Variants in ERN1 observed in about 807,000 individuals in gnomAD.
ERN1 encodes serine/threonine-protein kinase/endoribonuclease IRE1.
Under a neutral mutation model 113.1 loss-of-function variants are expected in ERN1, and 39 were observed. The observed-to-expected ratio is 0.34, with a 90% CI of 0.27 to 0.45. The LOEUF (loss-of-function observed/expected upper bound fraction) is 0.45, where lower values mean the gene tolerates loss of function less well. Ranked by LOEUF, ERN1 falls within the 20% of genes least tolerant of loss-of-function variation. The pLI is 1.00. For synonymous variants in ERN1, 507 were observed against 515.9 expected, an observed-to-expected ratio of 0.98 and a Z score of 0.23; for missense variants, 976 against 1,274.8, an observed-to-expected ratio of 0.77 and a Z score of 3.57.
chr17:64,123,264 T>C (rs1019891202), intron 1 of ERN1, among the ~76,000 whole-genome samples: 17 of 152,140 alleles, frequency 1.1e-4, no homozygotes, highest in African/African-American at 4.1e-4. Context: ...AACCAGAGAA[T>C]TATCCCGAGG....
At chr17:64,074,029 C>T (rs946865869) in intron 5 of ERN1, among the ~76,000 whole-genome samples, 3 of 152,166 alleles carry the variant, frequency 2.0e-5, no homozygotes, top group African/African-American at 7.2e-5. Flanking sequence ...ACCCATGGAT[C>T]GCAACTCTGT....
chr17:64,078,726 G>A (rs1913674972), intron 4 of ERN1, among the ~76,000 whole-genome samples: 1 of 152,182 alleles, frequency 6.6e-6, no homozygotes, highest in Non-Finnish European at 1.5e-5. Flanking sequence ...ACTGTAAGCT[G>A]GGTGGTGGTG....
intron 1 of ERN1, among the ~76,000 whole-genome samples, chr17:64,124,604 C>G (rs1372527861): frequency 6.6e-6 from 1 of 152,182 alleles, no homozygotes; most frequent in Admixed American, 6.5e-5. Flanking sequence ...GTGACTTGCT[C>G]CTCCTTACCT....
intron 1 of ERN1, among the ~76,000 whole-genome samples, chr17:64,115,148 G>C (rs1470116175): frequency 6.6e-6 from 1 of 152,150 alleles, no homozygotes; most frequent in East Asian, 1.9e-4. Flanking sequence ...AGAAATCTTG[G>C]GGATACTAAA....
At chr17:64,053,703 C>A (rs59262667) in intron 15 of ERN1, among the ~76,000 whole-genome samples, 1 of 152,110 alleles carries the variant, frequency 6.6e-6, no homozygotes, top group African/African-American at 2.4e-5. Context: ...AACTGGCATC[C>A]TCCAAGCCCA....
intron 1 of ERN1, among the ~76,000 whole-genome samples, chr17:64,111,486 G>A (rs1016076046): frequency 7.9e-5 from 12 of 152,096 alleles, no homozygotes; most frequent in Admixed American, 3.3e-4. Flanking sequence ...CTCCCGAGTA[G>A]CTGGGATTAC....
chr17:64,120,089 C>T (rs1914917043), intron 1 of ERN1, among the ~76,000 whole-genome samples: 1 of 151,958 alleles, frequency 6.6e-6, no homozygotes. Context: ...AGAAAAGATG[C>T]CGGCCCCCAC....
intron 1 of ERN1, among the ~76,000 whole-genome samples, chr17:64,108,890 A>G (rs1350131852): frequency 1.3e-5 from 2 of 152,142 alleles, no homozygotes; most frequent in Admixed American, 6.5e-5. Context: ...TGGGAGGCCA[A>G]CGCAGGTGGA....
chr17:64,108,181 C>T (rs911681364), intron 1 of ERN1, among the ~76,000 whole-genome samples: 3 of 151,552 alleles, frequency 2.0e-5, no homozygotes, highest in Non-Finnish European at 4.4e-5. Flanking sequence ...GTTTAGGCTA[C>T]TGTCCTCCTT....
At chr17:64,113,708 G>C (rs761324221) in intron 1 of ERN1, among the ~76,000 whole-genome samples, 37 of 151,920 alleles carry the variant, frequency 2.4e-4, no homozygotes, top group Non-Finnish European at 4.4e-4. Context: ...TTTGGAGACA[G>C]AGTCTCACTC....
At chr17:64,058,157 C>A (rs1036745225) in intron 11 of ERN1, among the ~76,000 whole-genome samples, 164 bp from the exon 12 acceptor site, 3 of 152,200 alleles carry the variant, frequency 2.0e-5, no homozygotes, top group African/African-American at 7.2e-5. Context: ...ATAACTGTTG[C>A]CTCTTTCAAA....
intron 1 of ERN1, among the ~76,000 whole-genome samples, chr17:64,123,271 G>A (rs141821112): frequency 7.2e-5 from 11 of 152,252 alleles, no homozygotes; most frequent in South Asian, 6.2e-4. Context: ...GAATTATCCC[G>A]AGGTATTTCA....
chr17:64,068,238 T>C lies in ERN1; in HGVS notation c.532A>G (p.Thr178Ala). The change falls in exon 7 of 22, where the codon ACC becomes GCC. Residue 178 changes from threonine (T) to alanine (A), a missense_variant. Physicochemically the swap from Thr to Ala is moderately conservative, Grantham distance 58. Around this residue, in one of 5 missense-constraint regions of ERN1, gnomAD observed 459 missense variants for 581.2 expected, o/e 0.79. Transcript: ENST00000433197. ...TKTRELRWNA[T>A]YFDYAASLPE... ...AGTGAGGCCGCATAGTCAAAGTAGG[T>C]GGCATTCCACCGGAGCTCTCGGGTT... 1 of 1,612,816 alleles carries C rather than the reference T, an allele frequency of 6.2e-7. No homozygotes were observed. The highest frequency in any genetic ancestry group is 8.5e-7 in the Non-Finnish European group (1 of 1,179,516).
At chr17:64,091,370 CA>C (rs1914084432) in intron 2 of ERN1, among the ~76,000 whole-genome samples, 1 of 152,178 alleles carries the variant, frequency 6.6e-6, no homozygotes, top group African/African-American at 2.4e-5. Context: ...TCAGGACTCC[CA>C]AAAGACGTCC....
At chr17:64,067,924 A>G (rs1567868346) in intron 7 of ERN1, 1 of 384,124 alleles carries the variant, frequency 2.6e-6, no homozygotes. Context: ...TCCTTCTGTG[A>G]CATAGAAAGA....
At chr17:64,075,865 G>A (rs1438994936) in intron 4 of ERN1, among the ~76,000 whole-genome samples, 1 of 152,254 alleles carries the variant, frequency 6.6e-6, no homozygotes, top group Non-Finnish European at 1.5e-5. Context: ...AGAGCCCCAT[G>A]GGAGGGAGCC....
intron 1 of ERN1, among the ~76,000 whole-genome samples, chr17:64,103,941 C>CA (rs987994796): frequency 1.3e-5 from 2 of 151,876 alleles, no homozygotes; most frequent in African/African-American, 2.4e-5. Flanking sequence ...GAACAACCAG[C>CA]AAAAAAACCA....
rs780765678 is a variant in ERN1, at chr17:64,075,252, A to C, written c.283-5T>G. On this transcript the variant is annotated splice_polypyrimidine_tract_variant and splice_region_variant and intron_variant, in intron 4 of 21. Transcript: ENST00000433197. ...TGGGATGGTAAAAGGAAGTTTCTTTAAAAAAAAAAAAAAAGAAAAAAAAAA... is the reference window on the plus strand; with the variant it reads ...TGGGATGGTAAAAGGAAGTTTCTTTCAAAAAAAAAAAAAAGAAAAAAAAAA... The C allele has an allele frequency of 2.0e-6, 2 of 985,068 alleles. No homozygotes were observed. The highest frequency in any genetic ancestry group is 1.3e-6 in the Non-Finnish European group (1 of 778,334). The allele number at this position is 985,068 out of a possible 1,614,324, so 61.0% of individuals were successfully genotyped here.
chr17:64,117,358 A>T (rs950253872), intron 1 of ERN1, among the ~76,000 whole-genome samples: 2 of 146,542 alleles, frequency 1.4e-5, no homozygotes, highest in Non-Finnish European at 3.0e-5. Flanking sequence ...CACGAAAATC[A>T]CTTGAACCCG....
Sources: allele counts gnomAD v4.1 joint callset (sites outside exome capture counted in the v4.1 genomes callset), GRCh38; gene constraint gnomAD v4.1.1; regional missense constraint gnomAD v4.1.1; transcripts MANE v1.5; gene names NCBI Gene and HGNC (gene_info 2026-07-23, HGNC 2026-07-21).